The following PCDHA11 variants were observed in gnomAD, a reference collection of about 807,000 sequenced individuals.
PCDHA11 encodes protocadherin alpha-11.
Under a neutral mutation model 70.3 loss-of-function variants are expected in PCDHA11, and 61 were observed. The ratio of observed to expected loss-of-function variants is 0.87; its 90% CI spans 0.71 to 1.07. PCDHA11 has a LOEUF of 1.07. Among genes scored for constraint, PCDHA11 ranks in the 50% least tolerant of loss-of-function variants. The pLI is 0.00. For missense variants in PCDHA11, 1,324 were observed against 1,237.5 expected (o/e 1.07, Z -1.05); for synonymous variants, 633 against 555.1 (o/e 1.14, Z -1.97).
At chr5:140,972,917 C>T (rs1279060017) in intron 1 of PCDHA11, among the ~76,000 whole-genome samples, 1 of 152,074 alleles carries the variant, frequency 6.6e-6, no homozygotes, top group Non-Finnish European at 1.5e-5. Context: ...CCGCCTTGGC[C>T]TCCCAAAGTG....
At chr5:140,981,812 A>C (rs1563492177) in intron 2 of PCDHA11, among the ~76,000 whole-genome samples, 1 of 152,052 alleles carries the variant, frequency 6.6e-6, no homozygotes, top group African/African-American at 2.4e-5. Context: ...TTTATGTTCT[A>C]TCTCTGCTTG....
At chr5:140,936,833 A>G (rs186890408) in intron 1 of PCDHA11, among the ~76,000 whole-genome samples, 1 of 152,276 alleles carries the variant, frequency 6.6e-6, no homozygotes, top group East Asian at 1.9e-4. Context: ...GCATTTCTAT[A>G]TAAATTGTAG....
intron 1 of PCDHA11, chr5:140,928,682 C>T (rs782513735): frequency 6.2e-7 from 1 of 1,614,174 alleles, no homozygotes; most frequent in Non-Finnish European, 8.5e-7. Flanking sequence ...GCCTGGCTTT[C>T]CTACCACATC....
In PCDHA11 at chr5:140,968,374, C is replaced by T. The variant is rs782537254; in HGVS notation, c.2392-10575C>T. On this transcript the variant is annotated intron_variant, in intron 1 of 3. Coordinates refer to ENST00000398640, the MANE Select transcript of PCDHA11 (RefSeq NM_018902.5). ...GTGGCAGCCTTTATGCTGTCAACTC[C>T]TTTGACTATGAGAAGTTTCGGGAGT... is the stretch of plus-strand genomic sequence containing the variant. 5.0e-6 allele frequency: 8 copies of T among 1,614,064 alleles called. No homozygotes were observed. The Admixed American group carries it at 1.0e-4, about 20-fold the overall frequency.
At chr5:140,986,583 T>C (rs1265983211) in intron 3 of PCDHA11, among the ~76,000 whole-genome samples, 1 of 152,170 alleles carries the variant, frequency 6.6e-6, no homozygotes, top group African/African-American at 2.4e-5. Flanking sequence ...TTTTTCCAGC[T>C]CCTCTTTCTA....
intron 1 of PCDHA11, chr5:140,884,812 G>A: frequency 9.0e-7 from 1 of 1,117,104 alleles, no homozygotes; most frequent in Non-Finnish European, 1.2e-6. Flanking sequence ...ACTCTGCTGT[G>A]GACATTATGT....
chr5:140,969,011 A>G lies in PCDHA11; in HGVS notation c.2392-9938A>G, dbSNP rs1554231347. On this transcript the variant is annotated intron_variant, in intron 1 of 3. Transcript: ENST00000398640. Reference sequence around the variant, plus strand: ...ATGCTGTGGAGGCTTCTGTGGAGTAAGGGAAAGGTCCCCTGCAGAACTGTA... The same window carrying G: ...ATGCTGTGGAGGCTTCTGTGGAGTAGGGGAAAGGTCCCCTGCAGAACTGTA... The G allele has an allele frequency of 2.5e-6, 4 of 1,614,084 alleles. No individual in the cohort carries two copies. In the South Asian group the frequency reaches 4.4e-5, roughly 18 times the overall value.
chr5:140,999,249 G>A (rs1162368060), intron 3 of PCDHA11, among the ~76,000 whole-genome samples: 1 of 152,066 alleles, frequency 6.6e-6, no homozygotes, highest in Non-Finnish European at 1.5e-5. Context: ...AGTGGGAGTT[G>A]GATTAGTAAA....
rs945250298 is a variant in PCDHA11 at position 140,897,146 on chromosome 5, A to G, written c.2391+25652A>G. Among the ~76,000 whole-genome samples the G allele has an allele frequency of 5.3e-5, 8 of 152,258 alleles. No individual in the cohort carries two copies. In the East Asian group the frequency reaches 1.5e-3, roughly 29 times the overall value. On this transcript the variant is annotated intron_variant, in intron 1 of 3. Coordinates refer to ENST00000398640, the MANE Select transcript of PCDHA11 (RefSeq NM_018902.5). Reference sequence around the variant, plus strand: ...CCCACTAAACTTTCTAGCCTTTGTTAACCATTCTTCTACTGTCTATCTCCA... The same window carrying G: ...CCCACTAAACTTTCTAGCCTTTGTTGACCATTCTTCTACTGTCTATCTCCA...
At chr5:140,969,766 C>A (rs1384743731) in intron 1 of PCDHA11, among the ~76,000 whole-genome samples, 2 of 152,130 alleles carry the variant, frequency 1.3e-5, no homozygotes, top group Non-Finnish European at 1.5e-5. Context: ...AGCTCTGAGG[C>A]CTCTAGGGGC....
At chr5:140,873,653 C>A (rs2054406845) in intron 1 of PCDHA11, among the ~76,000 whole-genome samples, 1 of 152,104 alleles carries the variant, frequency 6.6e-6, no homozygotes, top group Non-Finnish European at 1.5e-5. Context: ...AACTACATAA[C>A]ACACTATTAT....
intron 1 of PCDHA11, among the ~76,000 whole-genome samples, chr5:140,919,657 A>G (rs1341455821): frequency 3.9e-5 from 6 of 152,258 alleles, no homozygotes; most frequent in Non-Finnish European, 8.8e-5. Flanking sequence ...AGTTTACCAT[A>G]TATATTTTAG....
chr5:140,871,484 A>T lies in PCDHA11; in HGVS notation c.2381A>T (p.His794Leu). 1 of 1,592,270 alleles carries T rather than the reference A, an allele frequency of 6.3e-7. No homozygotes were observed. Among genetic ancestry groups the T allele is most frequent in the Non-Finnish European group, 8.6e-7 (1 of 1,168,068 alleles). ...EGERQEPGSN[H>L]PGQPRQPNPD... The stretch of plus-strand genomic sequence containing the variant: ...GAAAGACAGGAGCCAGGGTCAAATC[A>T]CCCCGGACAGGTGAGTTTTCTACAG... Residue 794 changes from histidine (H) to leucine (L), a missense_variant, in exon 1 of 4, where the codon CAC becomes CTC. By Grantham distance (99) the His-to-Leu change is moderately conservative. Coordinates refer to ENST00000398640, the MANE Select transcript of PCDHA11 (RefSeq NM_018902.5).
At chr5:140,985,148 A>G (rs2097138818) in intron 3 of PCDHA11, among the ~76,000 whole-genome samples, 1 of 152,192 alleles carries the variant, frequency 6.6e-6, no homozygotes, top group South Asian at 2.1e-4. Context: ...CGTGTTAGCC[A>G]GGATTGTCTC....
intron 1 of PCDHA11, chr5:140,968,442 T>G (rs1245424149): frequency 3.1e-6 from 5 of 1,613,950 alleles, no homozygotes; most frequent in Non-Finnish European, 4.2e-6. Context: ...AGCCCACCAC[T>G]GAGCAGCACT....
At chr5:140,895,103 T>C (rs1459301220) in intron 1 of PCDHA11, among the ~76,000 whole-genome samples, 3 of 152,204 alleles carry the variant, frequency 2.0e-5, no homozygotes, top group Non-Finnish European at 4.4e-5. Flanking sequence ...GGGTTTTTGC[T>C]ACAAGAAGAC....
chr5:140,890,528 C>T (rs1329794711), intron 1 of PCDHA11, among the ~76,000 whole-genome samples: 3 of 152,060 alleles, frequency 2.0e-5, no homozygotes, highest in South Asian at 2.1e-4. Flanking sequence ...CTTTGTTGAT[C>T]TTCTTTTGAA....
rs565441433 is a variant in PCDHA11, at chr5:141,011,340, A to G, written c.*1403A>G. 6.5e-6 allele frequency: 1 copy of G among 153,828 alleles called. No homozygotes were observed. Among genetic ancestry groups the G allele is most frequent in the African/African-American group, 2.4e-5 (1 of 41,570 alleles). 9.5% of individuals were successfully genotyped at this position (153,828 alleles called of 1,614,324 possible). On this transcript the variant is annotated 3_prime_UTR_variant, in exon 4 of 4. Transcript: ENST00000398640. Reference sequence around the variant, plus strand: ...ACTAACACCTATGATGTTACCTGAAATCAATCTCCCATATGTATGCTGTAT... The same window carrying G: ...ACTAACACCTATGATGTTACCTGAAGTCAATCTCCCATATGTATGCTGTAT...
At chr5:140,963,424 G>A (rs898407658) in intron 1 of PCDHA11, among the ~76,000 whole-genome samples, 7 of 152,194 alleles carry the variant, frequency 4.6e-5, no homozygotes, top group Non-Finnish European at 1.0e-4. Flanking sequence ...GCATGTTTAG[G>A]AACTAACTTC....
Sources: allele counts gnomAD v4.1 joint callset (sites outside exome capture counted in the v4.1 genomes callset), GRCh38; gene constraint gnomAD v4.1.1; transcripts MANE v1.5; gene names NCBI Gene and HGNC (gene_info 2026-07-23, HGNC 2026-07-21).